INPP5F: variants seen among roughly 807,000 people sequenced by gnomAD.
The protein encoded by INPP5F is inositol polyphosphate-5-phosphatase F.
INPP5F carries 97 observed loss-of-function variants against 137.2 expected under a neutral mutation model. The observed-to-expected ratio is 0.71, with a 90% confidence interval of 0.60 to 0.84. The LOEUF (loss-of-function observed/expected upper bound fraction) is 0.84, where lower values mean the gene tolerates loss of function less well. Among genes scored for constraint, INPP5F ranks in the 40% least tolerant of loss-of-function variants. INPP5F has a pLI of 0.00. For synonymous variants in INPP5F, 504 were observed against 476.9 expected, an observed-to-expected ratio of 1.06 and a Z score of -0.74; for missense variants, 1,271 against 1,371.9, an observed-to-expected ratio of 0.93 and a Z score of 1.16.
At chr10:119,796,139 T>C (rs961684750) in intron 6 of INPP5F, among the ~76,000 whole-genome samples, 2 of 152,046 alleles carry the variant, frequency 1.3e-5, no homozygotes, top group Non-Finnish European at 2.9e-5. Context: ...AATAAGACAT[T>C]TATGAAATGG....
intron 1 of INPP5F, among the ~76,000 whole-genome samples, chr10:119,745,283 C>T (rs72842248): frequency 1.3e-5 from 2 of 152,176 alleles, no homozygotes; most frequent in Non-Finnish European, 2.9e-5. Flanking sequence ...TCTTCACCCA[C>T]TACCAGCTCA....
chr10:119,765,900 C>T lies in INPP5F; in HGVS notation c.178+14744C>T, dbSNP rs532465419. On this transcript the variant is annotated intron_variant, in intron 2 of 19. Coordinates refer to ENST00000650623, the MANE Select transcript of INPP5F (RefSeq NM_014937.4). Reference sequence around the variant, plus strand: ...ATATATAGAGAGAGAGAGAGAGAGACGGAGATTTAACATCTATACCGAAAT... The same window carrying T: ...ATATATAGAGAGAGAGAGAGAGAGATGGAGATTTAACATCTATACCGAAAT... 2.2e-3 allele frequency among the ~76,000 whole-genome samples: 308 copies of T among 142,622 alleles called. 2 individuals carry two copies. Among genetic ancestry groups the T allele is most frequent in the African/African-American group, 7.8e-3 (292 of 37,316 alleles). The allele number at this position is 142,622 out of a possible 152,430, so 93.6% of individuals were successfully genotyped here.
chr10:119,745,171 G>T (rs1437705053), intron 1 of INPP5F, among the ~76,000 whole-genome samples: 1 of 151,932 alleles, frequency 6.6e-6, no homozygotes, highest in Non-Finnish European at 1.5e-5. Context: ...TCCCATTCAG[G>T]AGAGAATAGG....
At chr10:119,811,081 T>C (rs866970113) in intron 14 of INPP5F, among the ~76,000 whole-genome samples, 6 of 152,262 alleles carry the variant, frequency 3.9e-5, no homozygotes, top group Admixed American at 2.6e-4. Context: ...CTTCCATTCG[T>C]TGACCTAGCT....
chr10:119,775,033 AAT>A (rs1180435059), intron 2 of INPP5F, among the ~76,000 whole-genome samples: 1 of 151,652 alleles, frequency 6.6e-6, no homozygotes, highest in Non-Finnish European at 1.5e-5. Flanking sequence ...TTTGTAAGGA[AAT>A]AGATATCTAC....
chr10:119,774,630 C>T (rs1159518333), intron 2 of INPP5F, among the ~76,000 whole-genome samples: 2 of 151,902 alleles, frequency 1.3e-5, no homozygotes, highest in African/African-American at 4.8e-5. Context: ...CTAGACATTT[C>T]TTAATTGGAA....
chr10:119,747,516 GC>G lies in INPP5F; in HGVS notation c.98-3558del, dbSNP rs368513339. On this transcript the variant is annotated intron_variant, in intron 1 of 19. Coordinates refer to ENST00000650623, the MANE Select transcript of INPP5F (RefSeq NM_014937.4). ...TTACAGGCATGAGCCACTGTGCCTGGCCTTGCTTTAAAAAAAAATTTTTTTT... is the reference window on the plus strand; with the variant it reads ...TTACAGGCATGAGCCACTGTGCCTGGCTTGCTTTAAAAAAAAATTTTTTTT... Among the ~76,000 whole-genome samples, 791 of 152,250 alleles carry G rather than the reference GC, an allele frequency of 5.2e-3. 8 individuals are homozygous for G. The highest frequency in any genetic ancestry group is 0.018 in the African/African-American group (738 of 41,536).
At position 119,827,753 on chromosome 10, in the gene INPP5F, A is replaced by G. The variant is rs781259712; in HGVS notation, c.3372A>G (p.Gln1124=). 1.7e-5 allele frequency: 27 copies of G among 1,611,228 alleles called. No individual in the cohort carries two copies. In the Admixed American group the frequency reaches 1.7e-4, roughly 10 times the overall value. Reference sequence around the variant, plus strand: ...ATGAACTTAAAAAGATGTTTATACAATGCCAGACACGGATAATTCAGATTT... The same window carrying G: ...ATGAACTTAAAAAGATGTTTATACAGTGCCAGACACGGATAATTCAGATTT... ...QQNELKKMFI[Q]CQTRIIQI The change falls in exon 20 of 20, where the codon CAA becomes CAG. Residue 1124 remains glutamine (Q), a synonymous_variant. Coordinates refer to ENST00000650623, the MANE Select transcript of INPP5F (RefSeq NM_014937.4).
chr10:119,817,319 C>T (rs1564850824), intron 15 of INPP5F, among the ~76,000 whole-genome samples: 2 of 152,324 alleles, frequency 1.3e-5, no homozygotes, highest in Middle Eastern at 3.4e-3. Context: ...CATTTGAACA[C>T]CTGTCTCTAT....
At chr10:119,790,650 ATTAG>A (rs1461329580) in intron 3 of INPP5F, among the ~76,000 whole-genome samples, 3 of 152,334 alleles carry the variant, frequency 2.0e-5, no homozygotes, top group African/African-American at 2.4e-5. Context: ...TTTAGTAACT[ATTAG>A]TTCTTATTAA....
intron 2 of INPP5F, among the ~76,000 whole-genome samples, chr10:119,766,333 C>G (rs564775392): frequency 6.6e-6 from 1 of 152,140 alleles, no homozygotes; most frequent in Non-Finnish European, 1.5e-5. Flanking sequence ...CTGGGCATCC[C>G]TTCCCAGTCA....
intron 1 of INPP5F, among the ~76,000 whole-genome samples, chr10:119,735,903 G>A (rs781066374): frequency 4.6e-5 from 7 of 152,214 alleles, no homozygotes; most frequent in Non-Finnish European, 1.0e-4. Flanking sequence ...GCTGAAGTGG[G>A]CAGATCACCT....
intron 3 of INPP5F, among the ~76,000 whole-genome samples, chr10:119,790,738 A>C (rs746065324): frequency 6.6e-6 from 1 of 152,228 alleles, no homozygotes; most frequent in African/African-American, 2.4e-5. Flanking sequence ...TGTTAACAGA[A>C]TTTGTGTGTA....
chr10:119,785,286 GTTTTT>G (rs71019717), intron 3 of INPP5F, among the ~76,000 whole-genome samples: 2 of 106,226 alleles, frequency 1.9e-5, no homozygotes. Flanking sequence ...CTGCCAGACT[GTTTTT>G]TTTTTTTTTT....
At chr10:119,732,755 C>T (rs1848119269) in intron 1 of INPP5F, among the ~76,000 whole-genome samples, 1 of 152,116 alleles carries the variant, frequency 6.6e-6, no homozygotes, top group Non-Finnish European at 1.5e-5. Flanking sequence ...CCTGCCTCAG[C>T]CTCCCAAAAG....
intron 2 of INPP5F, among the ~76,000 whole-genome samples, chr10:119,769,828 C>T (rs948820215): frequency 2.0e-5 from 3 of 152,140 alleles, no homozygotes; most frequent in South Asian, 2.1e-4. Flanking sequence ...ACACCACAGG[C>T]TTTTCTGGTT....
chr10:119,786,677 A>G (rs574781455), intron 3 of INPP5F, among the ~76,000 whole-genome samples: 41 of 150,224 alleles, frequency 2.7e-4, no homozygotes, highest in African/African-American at 9.9e-4. Flanking sequence ...ACCCCCTGCT[A>G]ATTTTTTTTT....
At position 119,791,640 on chromosome 10, in the gene INPP5F, A is replaced by G; in HGVS notation, c.439A>G (p.Lys147Glu). Residue 147 changes from lysine (K) to glutamate (E), a missense_variant, in exon 4 of 20, where the codon AAG becomes GAG. Around this residue, in one of 6 missense-constraint regions of INPP5F, gnomAD observed 62 missense variants for 55.0 expected, o/e 1.13. Transcript: ENST00000650623. The stretch of plus-strand genomic sequence containing the variant: ...ATCCAATGTGTCTGCTCCTAATAAA[A>G]AGAAAGTAAGAGTTTAATTGATATA... ...IKSNVSAPNK[K>E]KVKESKEKEK... 2 of 1,601,792 alleles carry G rather than the reference A, an allele frequency of 1.2e-6. No individual in the cohort carries two copies. The highest frequency in any genetic ancestry group is 1.7e-6 in the Non-Finnish European group (2 of 1,170,986).
intron 15 of INPP5F, among the ~76,000 whole-genome samples, chr10:119,814,188 G>A (rs552267842): frequency 3.3e-5 from 5 of 152,032 alleles, no homozygotes; most frequent in South Asian, 2.1e-4. Context: ...TCAGGAGTTC[G>A]AGACCAGCCT....
Sources: gnomAD v4.1 joint callset for allele counts (sites outside exome capture counted in the v4.1 genomes callset) on GRCh38, gnomAD v4.1.1 for gene constraint, gnomAD v4.1.1 regional missense constraint, MANE v1.5 for transcripts, NCBI Gene and HGNC (gene_info 2026-07-23, HGNC 2026-07-21) for gene names.